CALN1: variants seen among roughly 807,000 people sequenced by gnomAD.
The protein encoded by CALN1 is calneuron 1.
Under a neutral mutation model 30.6 loss-of-function variants are expected in CALN1, and 17 were observed. That is an observed-to-expected ratio of 0.56 (90% CI 0.38 to 0.83). CALN1 has a LOEUF of 0.83. Ranked by LOEUF, CALN1 falls within the 40% of genes least tolerant of loss-of-function variation. The pLI is 0.00. For synonymous variants in CALN1, 156 were observed against 131.4 expected, an observed-to-expected ratio of 1.19 and a Z score of -1.28; for missense variants, 291 against 354.9, an observed-to-expected ratio of 0.82 and a Z score of 1.45.
chr7:72,366,841 T>C (rs1383419376), intron 2 of CALN1, among the ~76,000 whole-genome samples: 1 of 147,902 alleles, frequency 6.8e-6, no homozygotes, highest in East Asian at 2.0e-4. Context: ...AAAAAAAAGG[T>C]GTTGACATGC....
chr7:72,357,244 G>C (rs757452322), intron 2 of CALN1, among the ~76,000 whole-genome samples: 6 of 151,894 alleles, frequency 4.0e-5, no homozygotes, highest in Non-Finnish European at 7.3e-5. Flanking sequence ...ACGCAGTGCT[G>C]TGGGCCCAAG....
At position 72,363,810 on chromosome 7, in the gene CALN1, C is replaced by A. The variant is rs1388930300; in HGVS notation, c.119+39441G>T. ...GGCACAATCTCGGGCTCACTGCAAC[C>A]CCCGCCTCCTGGGTTCAAGTGATTT... On this transcript the variant is annotated intron_variant, in intron 2 of 6. Transcript: ENST00000395275. Among the ~76,000 whole-genome samples, 5 of 150,874 alleles carry A rather than the reference C, an allele frequency of 3.3e-5. No individual in the cohort carries two copies. In the East Asian group the frequency reaches 9.9e-4, roughly 30 times the overall value.
chr7:72,158,595 G>C (rs1787886557), intron 3 of CALN1, among the ~76,000 whole-genome samples: 1 of 152,098 alleles, frequency 6.6e-6, no homozygotes, highest in Non-Finnish European at 1.5e-5. Flanking sequence ...GGCTACAGAG[G>C]GCCCTCATGG....
At chr7:71,949,718 G>T (rs1796592329) in intron 5 of CALN1, among the ~76,000 whole-genome samples, 1 of 151,674 alleles carries the variant, frequency 6.6e-6, no homozygotes, top group Non-Finnish European at 1.5e-5. Context: ...CTGTAACAGG[G>T]CTCTCGAGCC....
intron 4 of CALN1, among the ~76,000 whole-genome samples, chr7:72,067,505 C>T (rs535638295): frequency 6.6e-6 from 1 of 152,300 alleles, no homozygotes; most frequent in African/African-American, 2.4e-5. Context: ...CTGCCTCAGC[C>T]TCCGGAAGTG....
At chr7:72,328,262 C>A (rs984152031) in intron 2 of CALN1, among the ~76,000 whole-genome samples, 25 of 152,270 alleles carry the variant, frequency 1.6e-4, no homozygotes, top group Middle Eastern at 3.4e-3. Context: ...ACTCACGTAT[C>A]AAGGGTGGGG....
At chr7:71,810,134 C>A (rs1251511911) in intron 6 of CALN1, among the ~76,000 whole-genome samples, 3 of 152,008 alleles carry the variant, frequency 2.0e-5, no homozygotes, top group East Asian at 3.9e-4. Flanking sequence ...GCAAAAAATG[C>A]AGAATTTGGA....
At chr7:72,392,344 T>TC (rs35659549) in intron 2 of CALN1, among the ~76,000 whole-genome samples, 3 of 152,092 alleles carry the variant, frequency 2.0e-5, no homozygotes, top group Non-Finnish European at 4.4e-5. Context: ...TGTTGGTTTA[T>TC]CCCCCCGAGT....
At chr7:72,345,283 T>G (rs116264114) in intron 2 of CALN1, among the ~76,000 whole-genome samples, 2 of 141,756 alleles carry the variant, frequency 1.4e-5, no homozygotes, top group South Asian at 2.2e-4. Context: ...TGTTTGAAAC[T>G]GCACATGGTG....
At chr7:71,804,335 CCT>C (rs1384654520) in intron 6 of CALN1, among the ~76,000 whole-genome samples, 1 of 151,764 alleles carries the variant, frequency 6.6e-6, no homozygotes, top group Non-Finnish European at 1.5e-5. Context: ...ACAGCAAGAC[CCT>C]GTTTCTACAA....
At chr7:72,294,253 A>C (rs945522680) in intron 2 of CALN1, among the ~76,000 whole-genome samples, 2 of 152,178 alleles carry the variant, frequency 1.3e-5, no homozygotes, top group African/African-American at 4.8e-5. Flanking sequence ...AATCATGAGG[A>C]AATATTGTAA....
chr7:72,209,542 C>T (rs1471050856), intron 3 of CALN1, among the ~76,000 whole-genome samples: 2 of 95,654 alleles, frequency 2.1e-5, no homozygotes, highest in East Asian at 4.1e-4. Flanking sequence ...CTCTCTCCGC[C>T]CTCCGTTCCT....
chr7:72,221,312 C>CTTTTTT (rs1174615183), intron 3 of CALN1, among the ~76,000 whole-genome samples: 18 of 88,984 alleles, frequency 2.0e-4, no homozygotes, highest in African/African-American at 5.9e-4. Context: ...GTCTTGGCTT[C>CTTTTTT]TTTTTTTTTT....
At chr7:72,495,779 G>A in the CALN1 span, among the ~76,000 whole-genome samples, 1 of 152,180 alleles carries the variant, frequency 6.6e-6, no homozygotes, top group Admixed American at 6.5e-5. Context: ...TGGATAGAAA[G>A]CCACAGAATT....
At chr7:72,028,861 C>G (rs554102930) in intron 4 of CALN1, among the ~76,000 whole-genome samples, 7 of 151,928 alleles carry the variant, frequency 4.6e-5, no homozygotes, top group Non-Finnish European at 1.0e-4. Context: ...TGTGGTGGTA[C>G]AAACCTGTAA....
At chr7:71,827,212 C>G (rs967711974) in intron 5 of CALN1, among the ~76,000 whole-genome samples, 3 of 152,142 alleles carry the variant, frequency 2.0e-5, no homozygotes, top group Non-Finnish European at 4.4e-5. Context: ...GGAGCTAAGC[C>G]CATTGGTGGG....
chr7:72,360,886 G>T (rs1803531054), intron 2 of CALN1, among the ~76,000 whole-genome samples: 1 of 151,480 alleles, frequency 6.6e-6, no homozygotes, highest in African/African-American at 2.4e-5. Flanking sequence ...ACACTACCAT[G>T]CCGGGTTAAT....
intron 4 of CALN1, among the ~76,000 whole-genome samples, chr7:72,054,418 C>T (rs1276188690): frequency 2.7e-5 from 1 of 36,828 alleles, no homozygotes; most frequent in Non-Finnish European, 4.6e-5. Context: ...TATATATATA[C>T]GTGTATATAT....
intron 5 of CALN1, among the ~76,000 whole-genome samples, chr7:71,889,456 TC>T (rs1041879878): frequency 2.1e-4 from 32 of 152,082 alleles, no homozygotes; most frequent in African/African-American, 7.5e-4. Flanking sequence ...CACAGTAGCT[TC>T]CCCCCATTTG....
Sources: allele counts gnomAD v4.1 joint callset (sites outside exome capture counted in the v4.1 genomes callset), GRCh38; gene constraint gnomAD v4.1.1; transcripts MANE v1.5; gene names NCBI Gene and HGNC (gene_info 2026-07-23, HGNC 2026-07-21).